PLEKHA5: variants seen among roughly 807,000 people sequenced by gnomAD.
PLEKHA5 encodes pleckstrin homology domain-containing family A member 5.
PLEKHA5 carries 55 observed loss-of-function variants against 181.9 expected under a neutral mutation model. The observed-to-expected ratio is 0.30, with a 90% CI of 0.24 to 0.38. The LOEUF (loss-of-function observed/expected upper bound fraction) is 0.38, where lower values mean the gene tolerates loss of function less well. Ranked by LOEUF, PLEKHA5 falls within the 10% of genes least tolerant of loss-of-function variation. PLEKHA5 has a pLI of 1.00. For synonymous variants in PLEKHA5, 535 were observed against 529.4 expected (o/e 1.01, Z -0.15); for missense variants, 1,432 against 1,549.5 (o/e 0.92, Z 1.27).
chr12:19,323,042 T>TTTTC (rs71064084), intron 20 of PLEKHA5, among the ~76,000 whole-genome samples: 6 of 89,876 alleles, frequency 6.7e-5, no homozygotes, highest in South Asian at 7.0e-4. Context: ...TTTTTTTTTT[T>TTTTC]CATAGAAATG....
At chr12:19,342,556 T>C (rs553202920) in intron 21 of PLEKHA5, among the ~76,000 whole-genome samples, 15 of 152,222 alleles carry the variant, frequency 9.9e-5, no homozygotes, top group African/African-American at 3.6e-4. Flanking sequence ...CTCGGGAGGC[T>C]GAGGCAGGGC....
intron 3 of PLEKHA5, among the ~76,000 whole-genome samples, chr12:19,193,794 G>A (rs1353972137): frequency 6.6e-6 from 1 of 152,182 alleles, no homozygotes; most frequent in Non-Finnish European, 1.5e-5. Context: ...GGTTCTGCAA[G>A]GCTGTGCAAG....
chr12:19,156,214 G>GCT (rs1555227376), intron 3 of PLEKHA5, among the ~76,000 whole-genome samples: 1 of 145,094 alleles, frequency 6.9e-6, no homozygotes, highest in Admixed American at 6.9e-5. Flanking sequence ...TCCTTTTTTT[G>GCT]TTTTTTTTTT....
intron 3 of PLEKHA5, among the ~76,000 whole-genome samples, chr12:19,232,023 A>G (rs181390209): frequency 1.8e-4 from 28 of 152,268 alleles, no homozygotes; most frequent in African/African-American, 6.0e-4. Context: ...GAGATGCCCT[A>G]TGAAAACAAG....
chr12:19,344,937 C>T (rs922852149), intron 22 of PLEKHA5, among the ~76,000 whole-genome samples: 8 of 149,340 alleles, frequency 5.4e-5, no homozygotes, highest in South Asian at 2.1e-4. Flanking sequence ...GACAAAACCC[C>T]GGCTCTACTG....
At chr12:19,157,129 G>A (rs1304046787) in intron 3 of PLEKHA5, among the ~76,000 whole-genome samples, 4 of 82,214 alleles carry the variant, frequency 4.9e-5, no homozygotes, top group Non-Finnish European at 1.1e-4. Context: ...CACACACACG[G>A]AGCTGTATAT....
At chr12:19,180,717 T>C (rs899470859) in intron 3 of PLEKHA5, among the ~76,000 whole-genome samples, 1 of 152,150 alleles carries the variant, frequency 6.6e-6, no homozygotes, top group African/African-American at 2.4e-5. Flanking sequence ...GTTGGTCATA[T>C]GAGTTTTTAA....
At chr12:19,182,283 G>A (rs180740366) in intron 3 of PLEKHA5, among the ~76,000 whole-genome samples, 8 of 152,188 alleles carry the variant, frequency 5.3e-5, no homozygotes, top group Admixed American at 2.6e-4. Context: ...GCATCCAAGC[G>A]ATTTCTTTCT....
At chr12:19,144,766 T>A (rs574934833) in intron 3 of PLEKHA5, among the ~76,000 whole-genome samples, 1 of 152,302 alleles carries the variant, frequency 6.6e-6, no homozygotes, top group East Asian at 1.9e-4. Context: ...GGTGAGGAAG[T>A]GGATATACTG....
At chr12:19,218,944 ATTTTT>A (rs1226278651) in intron 3 of PLEKHA5, among the ~76,000 whole-genome samples, 2 of 131,662 alleles carry the variant, frequency 1.5e-5, no homozygotes, top group African/African-American at 5.6e-5. Context: ...TTTTTTTTTA[ATTTTT>A]TTTTTTATTA....
intron 3 of PLEKHA5, among the ~76,000 whole-genome samples, chr12:19,216,412 C>T (rs1313827335): frequency 6.6e-6 from 1 of 152,126 alleles, no homozygotes; most frequent in African/African-American, 2.4e-5. Flanking sequence ...CCTGTAATCC[C>T]AGCACTTTAG....
chr12:19,303,296 C>A (rs1334264290), intron 15 of PLEKHA5, among the ~76,000 whole-genome samples: 1 of 152,038 alleles, frequency 6.6e-6, no homozygotes, highest in Admixed American at 6.6e-5. Flanking sequence ...TTAATTTTTT[C>A]TAAGGATGAA....
At chr12:19,333,422 A>T (rs576541243) in intron 20 of PLEKHA5, among the ~76,000 whole-genome samples, 3 of 151,024 alleles carry the variant, frequency 2.0e-5, no homozygotes, top group Non-Finnish European at 3.0e-5. Flanking sequence ...TACTAAAAAT[A>T]AAAAAAAATT....
At chr12:19,223,847 G>T (rs1470952112) in intron 3 of PLEKHA5, among the ~76,000 whole-genome samples, 1 of 152,042 alleles carries the variant, frequency 6.6e-6, no homozygotes, top group African/African-American at 2.4e-5. Context: ...TTGCTGGACC[G>T]CTACTCCAAA....
At position 19,349,294 on chromosome 12, in the gene PLEKHA5, T is replaced by C. The variant is rs540757998; in HGVS notation, c.3019+775T>C. ...CCATACCCAACTAATTTTTTAAGTA[T>C]TTGTAGAGACAAGGTCTTGCCGTGT... On this transcript the variant is annotated intron_variant, in intron 25 of 31. Coordinates refer to ENST00000429027, the MANE Select transcript of PLEKHA5 (RefSeq NM_001256470.2). Among the ~76,000 whole-genome samples the C allele has an allele frequency of 5.3e-5, 8 of 152,170 alleles. No homozygotes were observed. In the East Asian group the frequency reaches 1.5e-3, roughly 29 times the overall value.
At chr12:19,170,890 A>G (rs2045743954) in intron 3 of PLEKHA5, among the ~76,000 whole-genome samples, 1 of 152,196 alleles carries the variant, frequency 6.6e-6, no homozygotes, top group African/African-American at 2.4e-5. Flanking sequence ...CACAGACCCT[A>G]CATTTATTAA....
At chr12:19,348,031 C>A (rs1353167267) in intron 24 of PLEKHA5, among the ~76,000 whole-genome samples, 2 of 151,922 alleles carry the variant, frequency 1.3e-5, no homozygotes. Context: ...TATAGGCGCA[C>A]ACCACCATGC....
At chr12:19,155,342 A>C (rs535343497) in intron 3 of PLEKHA5, among the ~76,000 whole-genome samples, 1 of 152,316 alleles carries the variant, frequency 6.6e-6, no homozygotes, top group South Asian at 2.1e-4. Context: ...CATGAACTCA[A>C]GTCCATTTAT....
intron 28 of PLEKHA5, among the ~76,000 whole-genome samples, chr12:19,360,976 C>T (rs1415843454): frequency 6.6e-6 from 1 of 152,056 alleles, no homozygotes; most frequent in African/African-American, 2.4e-5. Context: ...AGGCTGGTCT[C>T]GAACTCCTGA....
Sources: allele counts gnomAD v4.1 joint callset (sites outside exome capture counted in the v4.1 genomes callset), GRCh38; gene constraint gnomAD v4.1.1; transcripts MANE v1.5; gene names NCBI Gene and HGNC (gene_info 2026-07-23, HGNC 2026-07-21).